Variants in UNC5C observed in about 807,000 individuals in gnomAD.
UNC5C encodes unc-5 netrin receptor C, also known as netrin receptor UNC5C.
A neutral mutation model predicts 99.8 loss-of-function variants in UNC5C; 47 were observed. The ratio of observed to expected loss-of-function variants is 0.47; its 90% CI spans 0.37 to 0.60. The LOEUF (loss-of-function observed/expected upper bound fraction) is 0.60, where lower values mean the gene tolerates loss of function less well. Among genes scored for constraint, UNC5C ranks in the 20% least tolerant of loss-of-function variants. UNC5C has a pLI of 0.00. For synonymous variants in UNC5C, 487 were observed against 452.2 expected (o/e 1.08, Z -0.98); for missense variants, 1,062 against 1,165.9 (o/e 0.91, Z 1.30).
intron 1 of UNC5C, among the ~76,000 whole-genome samples, chr4:95,474,952 C>T (rs1178362407): frequency 6.6e-6 from 1 of 152,052 alleles, no homozygotes; most frequent in African/African-American, 2.4e-5. Context: ...CTTTACAGTG[C>T]CTTGGTATGA....
intron 9 of UNC5C, among the ~76,000 whole-genome samples, 165 bp downstream of exon 9, chr4:95,218,804 A>G (rs1738352037): frequency 6.6e-6 from 1 of 152,146 alleles, no homozygotes. Flanking sequence ...GGTTTTGCTG[A>G]TTTGTCTGAA....
At chr4:95,542,789 C>T (rs1005662662) in intron 1 of UNC5C, among the ~76,000 whole-genome samples, 4 of 151,922 alleles carry the variant, frequency 2.6e-5, no homozygotes, top group African/African-American at 9.7e-5. Context: ...CTTCTGGTGG[C>T]TCCATACAGG....
chr4:95,494,472 C>T (rs1721579452), intron 1 of UNC5C, among the ~76,000 whole-genome samples: 1 of 151,382 alleles, frequency 6.6e-6, no homozygotes, highest in African/African-American at 2.4e-5. Context: ...ATCTTGTTGT[C>T]CTCCCCACCC....
chr4:95,469,157 G>T (rs1365413569), intron 1 of UNC5C, among the ~76,000 whole-genome samples: 3 of 152,018 alleles, frequency 2.0e-5, no homozygotes, highest in South Asian at 4.2e-4. Flanking sequence ...TTCTTTTGCG[G>T]CATTTCTTCG....
At chr4:95,547,895 A>G (rs977302041) in intron 1 of UNC5C, among the ~76,000 whole-genome samples, 1 of 152,074 alleles carries the variant, frequency 6.6e-6, no homozygotes, top group Non-Finnish European at 1.5e-5. Flanking sequence ...ACTCTTCCCA[A>G]CCCGGCTTCG....
chr4:95,319,304 T>C (rs143971737), intron 2 of UNC5C, among the ~76,000 whole-genome samples: 1 of 152,310 alleles, frequency 6.6e-6, no homozygotes, highest in Non-Finnish European at 1.5e-5. Flanking sequence ...AACTGTCAAG[T>C]GCAGCCAGGG....
chr4:95,302,726 C>T (rs776139527), intron 2 of UNC5C, among the ~76,000 whole-genome samples: 2 of 152,096 alleles, frequency 1.3e-5, no homozygotes, highest in Non-Finnish European at 2.9e-5. Context: ...TATTGTTTTG[C>T]ACTATTCATA....
intron 14 of UNC5C, among the ~76,000 whole-genome samples, chr4:95,171,641 T>G (rs980255127): frequency 1.3e-5 from 2 of 151,990 alleles, no homozygotes; most frequent in Middle Eastern, 3.2e-3. Context: ...TCTATCATTG[T>G]TGGACATTTG....
rs1402332081 is a variant in UNC5C, at chr4:95,202,716, G to A, written c.2136+15C>T. 2 of 1,612,034 alleles carry A rather than the reference G, an allele frequency of 1.2e-6. No individual in the cohort carries two copies. Among genetic ancestry groups the A allele is most frequent in the Non-Finnish European group, 1.7e-6 (2 of 1,178,720 alleles). On this transcript the variant is annotated intron_variant, in intron 12 of 15. Coordinates refer to ENST00000453304, the MANE Select transcript of UNC5C (RefSeq NM_003728.4). Reference sequence around the variant, plus strand: ...GGTGGAGGTGAAGAGGGCAGGCTAGGTGGGAGGCACTTACCTTCAGGGCAT... The same window carrying A: ...GGTGGAGGTGAAGAGGGCAGGCTAGATGGGAGGCACTTACCTTCAGGGCAT...
chr4:95,301,195 ATT>A (rs34905310), intron 3 of UNC5C, among the ~76,000 whole-genome samples: 8,092 of 125,662 alleles, frequency 0.064, 237 homozygotes, highest in South Asian at 0.11. Context: ...TTTTTCCAGG[ATT>A]TTTTTTTTTT....
intron 1 of UNC5C, among the ~76,000 whole-genome samples, chr4:95,500,906 T>C (rs544093762): frequency 6.6e-6 from 1 of 152,162 alleles, no homozygotes; most frequent in Non-Finnish European, 1.5e-5. Flanking sequence ...GGGCATATCA[T>C]GTGCTATTAC....
chr4:95,470,585 G>T lies in UNC5C; in HGVS notation c.124+78149C>A, dbSNP rs77613328. On this transcript the variant is annotated intron_variant, in intron 1 of 15. Transcript: ENST00000453304. The stretch of plus-strand genomic sequence containing the variant: ...AGTGGACAATAAAGGGCAGAGTGAA[G>T]AGTCAGAAAAAAATAGCAGTATGTG... Among the ~76,000 whole-genome samples the T allele has an allele frequency of 2.7e-3, 410 of 152,066 alleles. 4 individuals carry two copies. The highest frequency in any genetic ancestry group is 9.3e-3 in the African/African-American group (384 of 41,506).
chr4:95,503,342 T>A (rs1721828800), intron 1 of UNC5C, among the ~76,000 whole-genome samples: 2 of 152,230 alleles, frequency 1.3e-5, no homozygotes, highest in South Asian at 2.1e-4. Context: ...AACTGTGAAC[T>A]TTTTTTCTTT....
chr4:95,237,814 G>A (rs1309718272), intron 7 of UNC5C, among the ~76,000 whole-genome samples: 10 of 152,134 alleles, frequency 6.6e-5, no homozygotes, highest in Admixed American at 4.6e-4. Flanking sequence ...GGAAGCCGAC[G>A]CGGCAGATGA....
chr4:95,358,382 C>T (rs1327987263), intron 1 of UNC5C, among the ~76,000 whole-genome samples: 1 of 152,104 alleles, frequency 6.6e-6, no homozygotes. Context: ...TTATTTCATC[C>T]TTTTTGATGG....
At chr4:95,492,050 G>A (rs933417726) in intron 1 of UNC5C, among the ~76,000 whole-genome samples, 5 of 151,534 alleles carry the variant, frequency 3.3e-5, no homozygotes, top group African/African-American at 1.2e-4. Context: ...TGCTTTGTCT[G>A]TGTGTGTGAG....
intron 14 of UNC5C, among the ~76,000 whole-genome samples, chr4:95,177,835 G>A (rs925917758): frequency 6.6e-6 from 1 of 151,542 alleles, no homozygotes; most frequent in Non-Finnish European, 1.5e-5. Flanking sequence ...CCAAATAGCT[G>A]AGACTATCGG....
At chr4:95,202,164 A>G (rs1319128337) in intron 12 of UNC5C, among the ~76,000 whole-genome samples, 1 of 152,174 alleles carries the variant, frequency 6.6e-6, no homozygotes, top group Non-Finnish European at 1.5e-5. Context: ...TACTTCTTTT[A>G]TTCCTCCTTC....
intron 4 of UNC5C, among the ~76,000 whole-genome samples, chr4:95,271,562 C>A (rs76574525): frequency 1.3e-5 from 2 of 152,166 alleles, no homozygotes; most frequent in Non-Finnish European, 2.9e-5. Context: ...GATCTTAGGT[C>A]ATCTGAATAA....
Sources: gnomAD v4.1 joint callset for allele counts (sites outside exome capture counted in the v4.1 genomes callset) on GRCh38, gnomAD v4.1.1 for gene constraint, MANE v1.5 for transcripts, NCBI Gene and HGNC (gene_info 2026-07-23, HGNC 2026-07-21) for gene names.